Variants in SPINK1 observed in about 807,000 individuals in gnomAD.
The protein encoded by SPINK1 is serine protease inhibitor Kazal-type 1.
Under a neutral mutation model 9.5 loss-of-function variants are expected in SPINK1, and 5 were observed. That is an observed-to-expected ratio of 0.52 (90% confidence interval 0.27 to 1.10). SPINK1 has a LOEUF of 1.10. SPINK1 is among the 50% of genes least tolerant of loss of function. The pLI, the probability that SPINK1 is intolerant of heterozygous loss-of-function variation, is 0.11. For missense variants in SPINK1, 88 were observed against 92.7 expected (o/e 0.95, Z 0.21); for synonymous variants, 37 against 32.3 (o/e 1.14, Z -0.49).
upstream of SPINK1, chr5:147,831,792 C>T (rs191068215): frequency 1.1e-4 from 148 of 1,408,460 alleles, no homozygotes; most frequent in East Asian, 2.2e-3. Context: ...GTGAAAGGAG[C>T]CAGGTGGGCC....
At chr5:147,829,564 G>T (rs778518737) in intron 2 of SPINK1, 35 bp downstream of exon 2, 3 of 1,605,266 alleles carry the variant, frequency 1.9e-6, no homozygotes, top group South Asian at 1.1e-5. Flanking sequence ...AACTGTTCCA[G>T]TCTGAGAAAT....
At chr5:147,832,649 C>A (rs938024313), upstream of SPINK1, among the ~76,000 whole-genome samples, 5 of 152,162 alleles carry the variant, frequency 3.3e-5, no homozygotes, top group African/African-American at 1.2e-4. Flanking sequence ...TCACTTGATG[C>A]CCCTTAAATT....
chr5:147,827,906 GT>G, intron 3 of SPINK1, 115 bp downstream of exon 3: 1 of 739,326 alleles, frequency 1.4e-6, no homozygotes. Flanking sequence ...AGAGATAACT[GT>G]TTTTGGAAAA....
At chr5:147,838,129 A>G in the SPINK1 span, among the ~76,000 whole-genome samples, 1 of 152,176 alleles carries the variant, frequency 6.6e-6, no homozygotes, top group Non-Finnish European at 1.5e-5. Context: ...GTTTTCCAGA[A>G]GCTTTGCTCT....
chr5:147,831,881 G>A, upstream of SPINK1: 1 of 1,191,016 alleles, frequency 8.4e-7, no homozygotes, highest in Non-Finnish European at 1.1e-6. Flanking sequence ...CTGTGGTTGT[G>A]GGAAAGTCAT....
At chr5:147,835,635 T>G (rs975094192), upstream of SPINK1, among the ~76,000 whole-genome samples, 1 of 152,158 alleles carries the variant, frequency 6.6e-6, no homozygotes, top group Non-Finnish European at 1.5e-5. Flanking sequence ...ATTATTCACC[T>G]GAGTAAAGAG....
chr5:147,833,653 C>T (rs557916620), upstream of SPINK1, among the ~76,000 whole-genome samples: 1 of 152,286 alleles, frequency 6.6e-6, no homozygotes, highest in Non-Finnish European at 1.5e-5. Context: ...ACAATGCCAT[C>T]CTTTCCCCCT....
upstream of SPINK1, among the ~76,000 whole-genome samples, chr5:147,836,296 TTGTGTGTGTGTG>T (rs58122057): frequency 1.1e-3 from 163 of 146,546 alleles, 3 homozygotes; most frequent in Non-Finnish European, 3.8e-4. Flanking sequence ...ATTTACTGAT[TTGTGTGTGTGTG>T]TGTGTGTGTG....
At chr5:147,837,913 G>A in the SPINK1 span, among the ~76,000 whole-genome samples, 3 of 151,934 alleles carry the variant, frequency 2.0e-5, no homozygotes, top group Admixed American at 6.6e-5. Flanking sequence ...TGTTGGCCAG[G>A]CTGGTCTCGA....
intron 2 of SPINK1, among the ~76,000 whole-genome samples, chr5:147,828,514 G>A (rs929096085): frequency 7.2e-5 from 11 of 152,158 alleles, no homozygotes; most frequent in Admixed American, 3.9e-4. Context: ...CTTGGGGCAC[G>A]TTCTTCCTTG....
intron 2 of SPINK1, among the ~76,000 whole-genome samples, chr5:147,829,364 C>T (rs975140535): frequency 6.6e-6 from 1 of 152,182 alleles, no homozygotes; most frequent in Non-Finnish European, 1.5e-5. Flanking sequence ...AAAACCCCTT[C>T]ACAGCAAGCA....
chr5:147,836,133 A>G (rs939213097), upstream of SPINK1, among the ~76,000 whole-genome samples: 1 of 152,048 alleles, frequency 6.6e-6, no homozygotes, highest in Non-Finnish European at 1.5e-5. Context: ...CACTACTAAT[A>G]TTTTTCAAAA....
intron 3 of SPINK1, 180 bp downstream of exon 3, chr5:147,827,842 G>T: frequency 1.9e-6 from 1 of 529,794 alleles, no homozygotes; most frequent in South Asian, 2.7e-5. Flanking sequence ...TATCATACAA[G>T]TGACTTCTAA....
chr5:147,828,539 C>T (rs981922917), intron 2 of SPINK1, among the ~76,000 whole-genome samples: 2 of 152,184 alleles, frequency 1.3e-5, no homozygotes, highest in African/African-American at 4.8e-5. Flanking sequence ...CTGTAGTCCA[C>T]ACACACTGGT....
upstream of SPINK1, chr5:147,831,895 C>T: frequency 9.5e-7 from 1 of 1,058,026 alleles, no homozygotes; most frequent in Non-Finnish European, 1.2e-6. Flanking sequence ...AAGTCATTCC[C>T]TTCTCAAGCC....
intron 3 of SPINK1, among the ~76,000 whole-genome samples, chr5:147,825,809 A>C (rs1423067117): frequency 6.6e-6 from 1 of 152,194 alleles, no homozygotes; most frequent in Non-Finnish European, 1.5e-5. Flanking sequence ...ACTGATTTCC[A>C]AATCAGTTAG....
At chr5:147,832,732 G>T (rs1195236959), upstream of SPINK1, among the ~76,000 whole-genome samples, 1 of 152,120 alleles carries the variant, frequency 6.6e-6, no homozygotes, top group Non-Finnish European at 1.5e-5. Context: ...GAATAATTAA[G>T]TCCCTTTTCT....
At chr5:147,838,406 C>T in the SPINK1 span, among the ~76,000 whole-genome samples, 2 of 152,044 alleles carry the variant, frequency 1.3e-5, no homozygotes, top group Non-Finnish European at 2.9e-5. Context: ...GTATGAAGAT[C>T]ATAAAAACAA....
chr5:147,839,053 C>G, the SPINK1 span, among the ~76,000 whole-genome samples: 21 of 152,122 alleles, frequency 1.4e-4, no homozygotes, highest in African/African-American at 5.1e-4. Context: ...AAAGACATAC[C>G]CAAGACTGCG....
Sources: allele counts gnomAD v4.1 joint callset (sites outside exome capture counted in the v4.1 genomes callset), GRCh38; gene constraint gnomAD v4.1.1; transcripts MANE v1.5; gene names NCBI Gene and HGNC (gene_info 2026-07-23, HGNC 2026-07-21).